Variants in AGPAT4 observed in about 807,000 individuals in gnomAD.
The protein encoded by AGPAT4 is 1-acyl-sn-glycerol-3-phosphate acyltransferase delta.
Under a neutral mutation model 48.0 loss-of-function variants are expected in AGPAT4, and 15 were observed. The ratio of observed to expected loss-of-function variants is 0.31; its 90% CI spans 0.21 to 0.48. The LOEUF is 0.48. Among genes scored for constraint, AGPAT4 ranks in the 20% least tolerant of loss-of-function variants. The probability of loss-of-function intolerance (pLI) is 0.99; values close to 1 mark genes in which losing one functional copy is unlikely to be tolerated. For missense variants in AGPAT4, 314 were observed against 482.5 expected (o/e 0.65, Z 3.27); for synonymous variants, 178 against 198.7 (o/e 0.90, Z 0.88).
rs1018928504 is a variant in AGPAT4 at position 161,140,063 on chromosome 6, C to T, written c.844-443G>A. ...GGGGACACTCGGTGGAGACCTGGCC[C>T]GCAGTCAGGAGGAGCTCGCCCAGCC... On this transcript the variant is annotated intron_variant, in intron 7 of 8. Transcript: ENST00000320285. This position sits in a 1 kb window ranked among gnomAD's most constrained non-coding sequence, Gnocchi z 6.5. Among the ~76,000 whole-genome samples the T allele has an allele frequency of 1.3e-5, 2 of 152,206 alleles. No homozygotes were observed. Among genetic ancestry groups the T allele is most frequent in the African/African-American group, 2.4e-5 (1 of 41,456 alleles).
At chr6:161,194,444 TTGTGTGTGTG>T (rs34145722) in intron 2 of AGPAT4, among the ~76,000 whole-genome samples, 1 of 148,728 alleles carries the variant, frequency 6.7e-6, no homozygotes, top group African/African-American at 2.5e-5. Context: ...GTGTGTGTGT[TTGTGTGTGTG>T]TGTGTGTGTG....
rs1350472283 is a variant in AGPAT4 at position 161,180,241 on chromosome 6, T to C, written c.179-13824A>G. On this transcript the variant is annotated intron_variant, in intron 2 of 8. Coordinates refer to ENST00000320285, the MANE Select transcript of AGPAT4 (RefSeq NM_020133.3). This position sits in a 1 kb window ranked among gnomAD's most constrained non-coding sequence, Gnocchi z 6.4. ...CCCCTTCCCCACCATTCCCCAAGGC[T>C]CCTGCTCCTTCCTCGCTCCAGTGGG... 6.6e-6 allele frequency among the ~76,000 whole-genome samples: 1 copy of C among 152,144 alleles called. No individual in the cohort carries two copies. The highest frequency in any genetic ancestry group is 1.9e-4 in the East Asian group (1 of 5,184).
Position 161,136,513 on chromosome 6 carries a change from C to G in AGPAT4, c.*27G>C. The stretch of plus-strand genomic sequence containing the variant: ...CAGAGGCCACCAGTTCCCCAAGGTT[C>G]CCTTCGGATGGTGACACCTCCCTGA... On this transcript the variant is annotated 3_prime_UTR_variant, in exon 9 of 9. Coordinates refer to ENST00000320285, the MANE Select transcript of AGPAT4 (RefSeq NM_020133.3). 6.2e-7 allele frequency: 1 copy of G among 1,600,368 alleles called. No individual in the cohort carries two copies. The highest frequency in any genetic ancestry group is 8.6e-7 in the Non-Finnish European group (1 of 1,167,826).
chr6:161,186,759 A>G (rs867077352), intron 2 of AGPAT4, among the ~76,000 whole-genome samples: 2 of 152,180 alleles, frequency 1.3e-5, no homozygotes, highest in African/African-American at 2.4e-5. Flanking sequence ...TAAAGCCCAG[A>G]GCAACTGCAA....
intron 2 of AGPAT4, among the ~76,000 whole-genome samples, chr6:161,203,934 G>C (rs1293242136): frequency 6.6e-6 from 1 of 152,130 alleles, no homozygotes. Context: ...CATTCAATCA[G>C]GGACTCTTTA....
At chr6:161,230,768 C>T (rs1782102303) in intron 2 of AGPAT4, among the ~76,000 whole-genome samples, 1 of 152,218 alleles carries the variant, frequency 6.6e-6, no homozygotes, top group Non-Finnish European at 1.5e-5. Context: ...TGCTGTTTTA[C>T]AATTATAACT....
intron 1 of AGPAT4, among the ~76,000 whole-genome samples, chr6:161,269,477 T>G (rs528348044): frequency 6.6e-6 from 1 of 152,306 alleles, no homozygotes; most frequent in Admixed American, 6.5e-5. Flanking sequence ...ATGCTTCTAT[T>G]AGAAGTGATA....
At chr6:161,183,728 AGAGGG>A (rs369169274) in intron 2 of AGPAT4, among the ~76,000 whole-genome samples, 13 of 23,290 alleles carry the variant, frequency 5.6e-4, no homozygotes, top group Admixed American at 1.8e-3. Flanking sequence ...AGATGGGAGA[AGAGGG>A]GAGGGGAGGG....
In AGPAT4 at chr6:161,136,249, A is replaced by G; in HGVS notation, c.*291T>C. 1 of 406,972 alleles carries G rather than the reference A, an allele frequency of 2.5e-6. No individual in the cohort carries two copies. The allele number at this position is 406,972 out of a possible 1,614,324, so 25.2% of individuals were successfully genotyped here. A position where few individuals can be genotyped will look rare whatever the true frequency, so the allele number is the denominator to read the frequency against. The stretch of plus-strand genomic sequence containing the variant: ...GCCCTGCCCTCCCCTGCAGCCTAAA[A>G]TACCCTTTCTATGATCACAGAACAA... On this transcript the variant is annotated 3_prime_UTR_variant, in exon 9 of 9. Coordinates refer to ENST00000320285, the MANE Select transcript of AGPAT4 (RefSeq NM_020133.3).
chr6:161,243,674 G>A lies in AGPAT4; in HGVS notation c.-89-11372C>T, dbSNP rs978546231. Among the ~76,000 whole-genome samples, 1 of 152,122 alleles carries A rather than the reference G, an allele frequency of 6.6e-6. No individual in the cohort carries two copies. Among genetic ancestry groups the A allele is most frequent in the East Asian group, 1.9e-4 (1 of 5,188 alleles). ...ACAGCTGCAGGAAGAACCCTCAGTC[G>A]AAGCCCCTGCCTCTCTCCCGGGCTG... On this transcript the variant is annotated intron_variant, in intron 1 of 8. Transcript: ENST00000320285. The surrounding 1 kb of genome is among the most constrained non-coding windows in gnomAD (Gnocchi z 4.8).
rs375813089 is a variant in AGPAT4 at position 161,270,697 on chromosome 6, G to T, written c.-90+3241C>A. Among the ~76,000 whole-genome samples, 1 of 152,096 alleles carries T rather than the reference G, an allele frequency of 6.6e-6. No individual in the cohort carries two copies. Among genetic ancestry groups the T allele is most frequent in the African/African-American group, 2.4e-5 (1 of 41,406 alleles). ...CTCGGGAGGCTGAGGCAGGAGAATC[G>T]CTTGAATCCAGGAGGGGGAGGTTGT... is the stretch of plus-strand genomic sequence containing the variant. On this transcript the variant is annotated intron_variant, in intron 1 of 8. Transcript: ENST00000320285. This position sits in a 1 kb window ranked among gnomAD's most constrained non-coding sequence, Gnocchi z 5.3.
Position 161,184,946 on chromosome 6 carries a change from G to A in AGPAT4, c.179-18529C>T, listed in dbSNP as rs968673832. On this transcript the variant is annotated intron_variant, in intron 2 of 8. Transcript: ENST00000320285. This position sits in a 1 kb window ranked among gnomAD's most constrained non-coding sequence, Gnocchi z 4.8. ...GTCAAGAGGGAGGAGTAGGTTAAAC[G>A]CCCTCACGATGAGCACCCACACACC... 5.3e-5 allele frequency among the ~76,000 whole-genome samples: 8 copies of A among 151,974 alleles called. No individual in the cohort carries two copies. Among genetic ancestry groups the A allele is most frequent in the African/African-American group, 1.5e-4 (6 of 41,354 alleles).
At chr6:161,260,272 A>T (rs983839654) in intron 1 of AGPAT4, among the ~76,000 whole-genome samples, 1 of 152,190 alleles carries the variant, frequency 6.6e-6, no homozygotes, top group Non-Finnish European at 1.5e-5. Context: ...AGTCCCAAGG[A>T]GCTTGTCAAA....
rs73019338 is a variant in AGPAT4 at position 161,267,433 on chromosome 6, A to T, written c.-90+6505T>A. On this transcript the variant is annotated intron_variant, in intron 1 of 8. Coordinates refer to ENST00000320285, the MANE Select transcript of AGPAT4 (RefSeq NM_020133.3). The surrounding 1 kb of genome is among the most constrained non-coding windows in gnomAD (Gnocchi z 5.2). ...ATTATTTGAAAAATATTAGCTGGGG[A>T]ACGGGCGCAGTGGCTCACATCTGTA... 6.6e-6 allele frequency among the ~76,000 whole-genome samples: 1 copy of T among 152,202 alleles called. No individual in the cohort carries two copies. Among genetic ancestry groups the T allele is most frequent in the East Asian group, 1.9e-4 (1 of 5,174 alleles).
rs1778884963 is a variant in AGPAT4, at chr6:161,131,029, A to T, written c.*5511T>A. 2.5e-6 allele frequency: 1 copy of T among 404,902 alleles called. No individual in the cohort carries two copies. The highest frequency in any genetic ancestry group is 2.0e-5 in the African/African-American group (1 of 49,930). 25.1% of individuals were successfully genotyped at this position (404,902 alleles called of 1,614,324 possible). On this transcript the variant is annotated 3_prime_UTR_variant, in exon 9 of 9. Transcript: ENST00000320285. ...ATTTTGGAAATGCAAAGGAATTATT[A>T]TGCAGCAATCTTAACTTTGTGTACA...
intron 1 of AGPAT4, among the ~76,000 whole-genome samples, chr6:161,252,191 TG>T (rs1216561221): frequency 1.3e-5 from 2 of 152,160 alleles, no homozygotes; most frequent in Non-Finnish European, 2.9e-5. Context: ...GCCTCTGACA[TG>T]GGGTTGTGGG....
chr6:161,136,284 T>G lies in AGPAT4; in HGVS notation c.*256A>C, dbSNP rs530691245. On this transcript the variant is annotated 3_prime_UTR_variant, in exon 9 of 9. Coordinates refer to ENST00000320285, the MANE Select transcript of AGPAT4 (RefSeq NM_020133.3). ...TATGATCACAGAACAAAGTTCACAC[T>G]CACCACACAGCCATTCTCACACACA... 9.2e-6 allele frequency: 4 copies of G among 433,686 alleles called. No individual in the cohort carries two copies. The highest frequency in any genetic ancestry group is 6.1e-5 in the African/African-American group (3 of 49,202). 26.9% of individuals were successfully genotyped at this position (433,686 alleles called of 1,614,324 possible). A position where few individuals can be genotyped will look rare whatever the true frequency, so the allele number is the denominator to read the frequency against.
At position 161,272,655 on chromosome 6, in the gene AGPAT4, G is replaced by T. The variant is rs1004841055; in HGVS notation, c.-90+1283C>A. 6.6e-6 allele frequency among the ~76,000 whole-genome samples: 1 copy of T among 151,246 alleles called. No individual in the cohort carries two copies. Among genetic ancestry groups the T allele is most frequent in the African/African-American group, 2.4e-5 (1 of 40,980 alleles). ...ATTCAGAAGATGGAATCCTTTTAACGTAGAACTCAAGATGTGCCCTGTTCT... is the reference window on the plus strand; with the variant it reads ...ATTCAGAAGATGGAATCCTTTTAACTTAGAACTCAAGATGTGCCCTGTTCT... On this transcript the variant is annotated intron_variant, in intron 1 of 8. Transcript: ENST00000320285. The surrounding 1 kb of genome is among the most constrained non-coding windows in gnomAD (Gnocchi z 4.2).
At position 161,142,394 on chromosome 6, in the gene AGPAT4, T is replaced by C. The variant is rs1036676763; in HGVS notation, c.844-2774A>G. ...GGAAAGGACTCGTGTTTTTTGTTTT[T>C]GTGTGTTACCGTGTGGCATAGTATA... On this transcript the variant is annotated intron_variant, in intron 7 of 8. Transcript: ENST00000320285. The surrounding 1 kb of genome is among the most constrained non-coding windows in gnomAD (Gnocchi z 6.4). Among the ~76,000 whole-genome samples the C allele has an allele frequency of 3.9e-5, 6 of 152,210 alleles. No homozygotes were observed. The highest frequency in any genetic ancestry group is 1.4e-4 in the African/African-American group (6 of 41,450).
Sources: gnomAD v4.1 joint callset for allele counts (sites outside exome capture counted in the v4.1 genomes callset) on GRCh38, gnomAD v4.1.1 for gene constraint, Gnocchi (gnomAD v3.1) non-coding constraint, MANE v1.5 for transcripts, NCBI Gene and HGNC (gene_info 2026-07-23, HGNC 2026-07-21) for gene names.